Variants in FAT4 observed in about 807,000 individuals in gnomAD.
FAT4 encodes the protein FAT atypical cadherin 4, also known as protocadherin Fat 4.
In FAT4, 84 loss-of-function variants were observed where a neutral mutation model predicts 303.9. The ratio of observed to expected loss-of-function variants is 0.28; its 90% CI spans 0.23 to 0.33. The LOEUF is 0.33. Ranked by LOEUF, FAT4 falls within the 10% of genes least tolerant of loss-of-function variation. FAT4 has a pLI of 1.00. For synonymous variants in FAT4, 2,307 were observed against 2,298.8 expected, an observed-to-expected ratio of 1.00 and a Z score of -0.10; for missense variants, 6,005 against 6,146.8, an observed-to-expected ratio of 0.98 and a Z score of 0.77.
At chr4:125,407,883 A>T (rs1203266666) in intron 4 of FAT4, among the ~76,000 whole-genome samples, 1 of 152,138 alleles carries the variant, frequency 6.6e-6, no homozygotes, top group Non-Finnish European at 1.5e-5. Context: ...ATGATAAGCC[A>T]TACATTTTAG....
intron 2 of FAT4, among the ~76,000 whole-genome samples, chr4:125,332,336 T>C (rs550454590): frequency 2.6e-5 from 4 of 152,150 alleles, no homozygotes; most frequent in Non-Finnish European, 5.9e-5. Context: ...CATTAAACAA[T>C]ACTGCCCAGT....
intron 7 of FAT4, among the ~76,000 whole-genome samples, chr4:125,421,960 A>C (rs945055699): frequency 1.3e-5 from 2 of 152,160 alleles, no homozygotes; most frequent in African/African-American, 4.8e-5. Flanking sequence ...TCTCTCCATG[A>C]AATAAATTTA....
intron 2 of FAT4, among the ~76,000 whole-genome samples, chr4:125,358,264 C>G (rs765733314): frequency 6.6e-6 from 1 of 151,950 alleles, no homozygotes; most frequent in African/African-American, 2.4e-5. Flanking sequence ...CACCAGGGAC[C>G]GGTTTCATGG....
In FAT4 at chr4:125,479,775, C is replaced by G; in HGVS notation, c.12514C>G (p.Pro4172Ala). Residue 4172 changes from proline (P) to alanine (A), a missense_variant, in exon 15 of 18, where the codon CCA becomes GCA. Physicochemically the swap from Pro to Ala is conservative, Grantham distance 27. Transcript: ENST00000394329. ...PRLEGACTRS[P>A]CQHGGTCMDY... ...GCTGGAAGGCGCTTGTACTCGCAGC[C>G]CATGCCAACATGGTGGCACATGTAT... The G allele has an allele frequency of 6.2e-7, 1 of 1,600,784 alleles. No homozygotes were observed. Among genetic ancestry groups the G allele is most frequent in the Non-Finnish European group, 8.5e-7 (1 of 1,170,442 alleles).
Position 125,436,542 on chromosome 4 carries a change from T to C in FAT4, c.7199+2117T>C, listed in dbSNP as rs1725457942. On this transcript the variant is annotated intron_variant, in intron 8 of 17. Coordinates refer to ENST00000394329, the MANE Select transcript of FAT4 (RefSeq NM_001291303.3). ...AGAACACGTTTGCGGAGTGTATTAG[T>C]CTGTTCTCATGCTGCTAATAAAGAC... Among the ~76,000 whole-genome samples, 5 of 152,254 alleles carry C rather than the reference T, an allele frequency of 3.3e-5. No homozygotes were observed. In the South Asian group the frequency reaches 1.0e-3, roughly 32 times the overall value.
chr4:125,368,625 T>C (rs954023514), intron 2 of FAT4, among the ~76,000 whole-genome samples: 12 of 150,846 alleles, frequency 8.0e-5, no homozygotes, highest in Non-Finnish European at 1.5e-4. Context: ...GAATGCAAAT[T>C]AAGATTTTTA....
rs752815481 is a variant in FAT4 at position 125,451,511 on chromosome 4, A to G, written c.10501A>G (p.Thr3501Ala). 1 of 1,614,032 alleles carries G rather than the reference A, an allele frequency of 6.2e-7. No individual in the cohort carries two copies. Among genetic ancestry groups the G allele is most frequent in the Non-Finnish European group, 8.5e-7 (1 of 1,179,992 alleles). ...SATGSASLLVTLEDINDNGPM... is the reference protein window; with the variant it reads ...SATGSASLLVALEDINDNGPM... ...TACAGGTAGTGCCTCTTTATTAGTC[A>G]CCCTGGAAGATATAAATGATAACGG... is the stretch of plus-strand genomic sequence containing the variant. Residue 3501 changes from threonine to alanine, a missense_variant, in exon 10 of 18, where the codon ACC becomes GCC. Transcript: ENST00000394329.
chr4:125,396,926 GTATATATATATATATA>G (rs66744105), intron 2 of FAT4, among the ~76,000 whole-genome samples: 4,144 of 143,870 alleles, frequency 0.029, 103 homozygotes, highest in African/African-American at 0.063. Context: ...ATGTGTGTGT[GTATATATATATATATA>G]TATATATATA....
chr4:125,365,607 A>G (rs918378869), intron 2 of FAT4, among the ~76,000 whole-genome samples: 1 of 152,178 alleles, frequency 6.6e-6, no homozygotes, highest in Admixed American at 6.5e-5. Context: ...CAGGAGATTC[A>G]TAGACTATTG....
intron 2 of FAT4, 41 bp from the exon 3 acceptor site, chr4:125,398,743 A>C: frequency 6.2e-7 from 1 of 1,606,224 alleles, no homozygotes; most frequent in Non-Finnish European, 8.5e-7. Context: ...TCTTGCAGAC[A>C]CGTGGGAGTC....
chr4:125,410,674 T>A (rs1455556519), intron 5 of FAT4, among the ~76,000 whole-genome samples: 4 of 152,226 alleles, frequency 2.6e-5, no homozygotes, highest in Admixed American at 2.6e-4. Flanking sequence ...AAGTTTTATT[T>A]ACCATCATAA....
intron 7 of FAT4, among the ~76,000 whole-genome samples, 195 bp downstream of exon 7, chr4:125,416,817 G>A (rs374545444): frequency 2.0e-5 from 3 of 151,964 alleles, no homozygotes; most frequent in East Asian, 3.9e-4. Context: ...ATGGTGGTGC[G>A]TGCCTGTAAT....
intron 5 of FAT4, among the ~76,000 whole-genome samples, chr4:125,409,837 A>G (rs1734775460): frequency 6.6e-6 from 1 of 152,200 alleles, no homozygotes; most frequent in Admixed American, 6.5e-5. Context: ...GAAAATTAGT[A>G]CGTGTTTTTC....
At position 125,481,646 on chromosome 4, in the gene FAT4, G is replaced by A. The variant is rs376021312; in HGVS notation, c.12730G>A (p.Gly4244Ser). ...SLRGAMLEPF[G>S]VNSLEVKFRT... Reference sequence around the variant, plus strand: ...ACGAGGTGCCATGTTGGAGCCTTTTGGTGTGAACAGTCTGGAAGTAAAATT... The same window carrying A: ...ACGAGGTGCCATGTTGGAGCCTTTTAGTGTGAACAGTCTGGAAGTAAAATT... Residue 4244 changes from glycine (G) to serine (S), a missense_variant, in exon 16 of 18, where the codon GGT becomes AGT. Coordinates refer to ENST00000394329, the MANE Select transcript of FAT4 (RefSeq NM_001291303.3). The A allele has an allele frequency of 8.7e-6, 14 of 1,613,912 alleles. No homozygotes were observed. The highest frequency in any genetic ancestry group is 1.7e-5 in the Admixed American group (1 of 59,972).
chr4:125,476,151 T>C lies in FAT4; in HGVS notation c.12214-20T>C. The stretch of plus-strand genomic sequence containing the variant: ...GACGGTAGAACTCAAAGTTGAATGT[T>C]TCTTTCTCTTGCTTCGTAGGCAGCC... On this transcript the variant is annotated intron_variant, in intron 12 of 17. Transcript: ENST00000394329. The C allele has an allele frequency of 6.5e-7, 1 of 1,531,716 alleles. No homozygotes were observed. The highest frequency in any genetic ancestry group is 1.7e-5 in the Admixed American group (1 of 58,392). The allele number at this position is 1,531,716 out of a possible 1,614,324, so 94.9% of individuals were successfully genotyped here. A position where few individuals can be genotyped will look rare whatever the true frequency, so the allele number is the denominator to read the frequency against.
chr4:125,381,790 T>A (rs952085039), intron 2 of FAT4, among the ~76,000 whole-genome samples: 1 of 152,202 alleles, frequency 6.6e-6, no homozygotes, highest in African/African-American at 2.4e-5. Flanking sequence ...TTACACATAG[T>A]AGAATGTCAT....
At position 125,415,244 on chromosome 4, in the gene FAT4, G is replaced by T; in HGVS notation, c.6281G>T (p.Gly2094Val). The change falls in exon 6 of 18, where the codon GGA (glycine) becomes GTA (valine). Residue 2094 changes from glycine (G) to valine (V), a missense_variant. Gly to Val is a moderately radical substitution (Grantham distance 109). Coordinates refer to ENST00000394329, the MANE Select transcript of FAT4 (RefSeq NM_001291303.3). ...YIEYTLLNPL[G>V]NKFSIGTIDG... is the part of the protein sequence containing the mutation. ...GAGTACACTCTGCTGAACCCTTTGG[G>T]AAACAAGTTCAGTATTGGGACCATT... 1 of 1,614,080 alleles carries T rather than the reference G, an allele frequency of 6.2e-7. No homozygotes were observed. The highest frequency in any genetic ancestry group is 8.5e-7 in the Non-Finnish European group (1 of 1,179,992).
intron 2 of FAT4, among the ~76,000 whole-genome samples, chr4:125,330,452 C>A (rs1275867720): frequency 6.6e-6 from 1 of 152,192 alleles, no homozygotes; most frequent in Non-Finnish European, 1.5e-5. Context: ...ATCAATTTCA[C>A]TGAGGAGCTC....
chr4:125,428,644 TTTATG>T (rs1327996082), intron 7 of FAT4, among the ~76,000 whole-genome samples: 2 of 152,204 alleles, frequency 1.3e-5, no homozygotes, highest in Admixed American at 6.5e-5. Flanking sequence ...TTTTTCCATG[TTTATG>T]TTATATTTAT....
Sources: allele counts gnomAD v4.1 joint callset (sites outside exome capture counted in the v4.1 genomes callset), GRCh38; gene constraint gnomAD v4.1.1; transcripts MANE v1.5; gene names NCBI Gene and HGNC (gene_info 2026-07-23, HGNC 2026-07-21).